Variants in FAM184B observed in about 807,000 individuals in gnomAD.
The protein encoded by FAM184B is protein FAM184B.
In FAM184B, 111 loss-of-function variants were observed where a neutral mutation model predicts 135.9. The ratio of observed to expected loss-of-function variants is 0.82; its 90% CI spans 0.70 to 0.96. FAM184B has a LOEUF of 0.96. FAM184B is among the 40% of genes least tolerant of loss of function. FAM184B has a pLI of 0.00. For missense variants in FAM184B, 1,375 were observed against 1,323.9 expected (o/e 1.04, Z -0.60); for synonymous variants, 552 against 524.8 (o/e 1.05, Z -0.71).
At chr4:17,710,412 T>C (rs1471405181) in intron 1 of FAM184B, among the ~76,000 whole-genome samples, 1 of 152,106 alleles carries the variant, frequency 6.6e-6, no homozygotes, top group Non-Finnish European at 1.5e-5. Flanking sequence ...GCTAATGTAA[T>C]ACCCCACATC....
At chr4:17,667,519 C>A (rs1184787518) in intron 7 of FAM184B, among the ~76,000 whole-genome samples, 6 of 152,210 alleles carry the variant, frequency 3.9e-5, no homozygotes, top group African/African-American at 1.4e-4. Context: ...GGAGATGGCA[C>A]TTGGGAATCC....
intron 12 of FAM184B, 34 bp downstream of exon 12, chr4:17,647,603 G>C (rs1432537254): frequency 6.5e-7 from 1 of 1,533,420 alleles, no homozygotes; most frequent in Non-Finnish European, 8.8e-7. Flanking sequence ...TGCTCTGGGA[G>C]GGGTATTGCT....
chr4:17,746,111 A>G (rs1338872911), intron 1 of FAM184B, among the ~76,000 whole-genome samples: 2 of 151,964 alleles, frequency 1.3e-5, no homozygotes, highest in African/African-American at 4.8e-5. Context: ...GGAGGCCGCC[A>G]CCACACCTGG....
rs1553829519 is a variant in FAM184B at position 17,650,900 on chromosome 4, T to TA, written c.2191+1929dup. Among the ~76,000 whole-genome samples the TA allele has an allele frequency of 2.9e-3, 441 of 151,568 alleles. 4 individuals carry two copies. The highest frequency in any genetic ancestry group is 3.5e-3 in the Non-Finnish European group (239 of 67,906). ...TCCAGAATTCTCTTTTTACTTTTCC[T>TA]AATTTTTTTTTTTAAAGAGATGGGG... is the stretch of plus-strand genomic sequence containing the variant. On this transcript the variant is annotated intron_variant, in intron 11 of 17. Coordinates refer to ENST00000265018, the MANE Select transcript of FAM184B (RefSeq NM_015688.2).
Position 17,705,150 on chromosome 4 carries a change from G to T in FAM184B, c.1227C>A (p.Asp409Glu). ...CTGTCTGATGTTTGATTTTACGAAGGTCTTCTTCATATTGTTGCTTCATAT... is the reference window on the plus strand; with the variant it reads ...CTGTCTGATGTTTGATTTTACGAAGTTCTTCTTCATATTGTTGCTTCATAT... ...TEYMKQQYEEDLRKIKHQTEE... is the reference protein window; with the variant it reads ...TEYMKQQYEEELRKIKHQTEE... The change falls in exon 5 of 18, where the codon GAC becomes GAA. Residue 409 changes from aspartate to glutamate, a missense_variant. Coordinates refer to ENST00000265018, the MANE Select transcript of FAM184B (RefSeq NM_015688.2). 1 of 1,551,730 alleles carries T rather than the reference G, an allele frequency of 6.4e-7. No individual in the cohort carries two copies. The highest frequency in any genetic ancestry group is 1.2e-5 in the South Asian group (1 of 84,048).
At position 17,633,740 on chromosome 4, in the gene FAM184B, C is replaced by T. The variant is rs530767348; in HGVS notation, c.3038G>A (p.Cys1013Tyr). The T allele has an allele frequency of 5.8e-6, 9 of 1,550,488 alleles. No individual in the cohort carries two copies. The highest frequency in any genetic ancestry group is 2.4e-5 in the East Asian group (1 of 40,854). ...CTGGTTGGGTTTGTAGGTCCGGCCA[C>T]AGCTGGGGCTTGGGTCCAAGCTGGG... ...TSPSLDPSPSCGRTYKPNQST... is the reference protein window; with the variant it reads ...TSPSLDPSPSYGRTYKPNQST... The change falls in exon 17 of 18, where the codon TGT becomes TAT. Residue 1013 changes from cysteine to tyrosine, a missense_variant. Cys to Tyr is a radical substitution (Grantham distance 194). Coordinates refer to ENST00000265018, the MANE Select transcript of FAM184B (RefSeq NM_015688.2).
intron 7 of FAM184B, among the ~76,000 whole-genome samples, chr4:17,681,999 C>T (rs1296021182): frequency 6.6e-6 from 1 of 152,178 alleles, no homozygotes; most frequent in African/African-American, 2.4e-5. Context: ...AATGTGAGCC[C>T]TCCAAGGATC....
chr4:17,636,967 T>C (rs940865644), intron 14 of FAM184B, among the ~76,000 whole-genome samples: 16 of 152,188 alleles, frequency 1.1e-4, no homozygotes, highest in Admixed American at 5.9e-4. Context: ...TAGGTTCTCT[T>C]AATGCTCTGG....
At chr4:17,663,517 G>A (rs1193777462) in intron 8 of FAM184B, among the ~76,000 whole-genome samples, 3 of 152,006 alleles carry the variant, frequency 2.0e-5, no homozygotes, top group African/African-American at 7.3e-5. Flanking sequence ...CTTCAGCAAA[G>A]TCTCAAGATA....
At chr4:17,648,658 A>G (rs1974624) in intron 11 of FAM184B, among the ~76,000 whole-genome samples, 89,942 of 151,902 alleles carry the variant, frequency 0.59, 27,327 homozygotes, top group East Asian at 0.89. Context: ...CCCGGCCAAT[A>G]TCCTCTTAAG....
intron 1 of FAM184B, among the ~76,000 whole-genome samples, chr4:17,719,981 C>T (rs1214614393): frequency 6.6e-6 from 1 of 152,190 alleles, no homozygotes; most frequent in East Asian, 1.9e-4. Context: ...ATAGAACATA[C>T]TCCTACTGAC....
At chr4:17,661,495 C>T (rs1268994220) in intron 8 of FAM184B, among the ~76,000 whole-genome samples, 4 of 151,918 alleles carry the variant, frequency 2.6e-5, no homozygotes, top group Non-Finnish European at 5.9e-5. Context: ...GAGGTTGCAG[C>T]GAGCCGAGAT....
At chr4:17,653,354 A>T (rs1715680294) in intron 10 of FAM184B, among the ~76,000 whole-genome samples, 1 of 152,202 alleles carries the variant, frequency 6.6e-6, no homozygotes, top group African/African-American at 2.4e-5. Context: ...ACTATCTGAC[A>T]TCTGCCCCAG....
chr4:17,701,537 A>G (rs965804754), intron 5 of FAM184B, among the ~76,000 whole-genome samples: 2 of 152,228 alleles, frequency 1.3e-5, no homozygotes, highest in African/African-American at 4.8e-5. Context: ...AGAACCCTCC[A>G]TCTGATGGAT....
At chr4:17,671,099 A>C (rs916419095) in intron 7 of FAM184B, among the ~76,000 whole-genome samples, 1 of 152,160 alleles carries the variant, frequency 6.6e-6, no homozygotes, top group Non-Finnish European at 1.5e-5. Flanking sequence ...GAAACTAATC[A>C]AAAGGCTCCT....
In FAM184B at chr4:17,770,367, A is replaced by C. The variant is rs187601790; in HGVS notation, c.141+10792T>G. Among the ~76,000 whole-genome samples the C allele has an allele frequency of 2.2e-3, 336 of 152,304 alleles. 3 individuals carry two copies. The highest frequency in any genetic ancestry group is 6.9e-3 in the African/African-American group (287 of 41,568). On this transcript the variant is annotated intron_variant, in intron 1 of 17. Coordinates refer to ENST00000265018, the MANE Select transcript of FAM184B (RefSeq NM_015688.2). ...TGGCTCCGACTATGGTGGAGGTGGAAATGGAGAATGGAGGTGGACTTACTC... is the reference window on the plus strand; with the variant it reads ...TGGCTCCGACTATGGTGGAGGTGGACATGGAGAATGGAGGTGGACTTACTC...
intron 7 of FAM184B, among the ~76,000 whole-genome samples, chr4:17,680,639 A>G (rs4285084): frequency 0.93 from 142,199 of 152,216 alleles, 66,858 homozygotes; most frequent in Non-Finnish European, 1. Context: ...TTTTTCTCAG[A>G]TTCAGTCCAG....
At chr4:17,673,348 C>T (rs2108948784) in intron 7 of FAM184B, among the ~76,000 whole-genome samples, 1 of 152,288 alleles carries the variant, frequency 6.6e-6, no homozygotes. Flanking sequence ...TTATGGAAAA[C>T]AGTGTGGAGA....
Position 17,647,735 on chromosome 4 carries a change from C to G in FAM184B, c.2248G>C (p.Asp750His), listed in dbSNP as rs1404411399. The G allele has an allele frequency of 6.4e-7, 1 of 1,550,918 alleles. No individual in the cohort carries two copies. Among genetic ancestry groups the G allele is most frequent in the Non-Finnish European group, 8.7e-7 (1 of 1,147,010 alleles). Residue 750 changes from aspartate to histidine, a missense_variant, in exon 12 of 18, where the codon GAC becomes CAC. Transcript: ENST00000265018. ...QQAACSGHQK[D>H]LEALQAELRA... ...AGCTCGGCCTGCAGTGCCTCCAAGTCCTTCTGGTGCCCAGAACAGGCAGCT... is the reference window on the plus strand; with the variant it reads ...AGCTCGGCCTGCAGTGCCTCCAAGTGCTTCTGGTGCCCAGAACAGGCAGCT...
Sources: allele counts gnomAD v4.1 joint callset (sites outside exome capture counted in the v4.1 genomes callset), GRCh38; gene constraint gnomAD v4.1.1; transcripts MANE v1.5; gene names NCBI Gene and HGNC (gene_info 2026-07-23, HGNC 2026-07-21).